The following CLEC2L variants were observed in gnomAD, a reference collection of about 807,000 sequenced individuals.
CLEC2L encodes C-type lectin domain family 2, member L.
Under a neutral mutation model 23.6 loss-of-function variants are expected in CLEC2L, and 14 were observed. The ratio of observed to expected loss-of-function variants is 0.59; its 90% confidence interval spans 0.39 to 0.93. The LOEUF is 0.93. CLEC2L is among the 40% of genes least tolerant of loss of function. The pLI, the probability that CLEC2L is intolerant of heterozygous loss-of-function variation, is 0.00. For synonymous variants in CLEC2L, 114 were observed against 121.3 expected, an observed-to-expected ratio of 0.94 and a Z score of 0.40; for missense variants, 264 against 282.4, an observed-to-expected ratio of 0.93 and a Z score of 0.47.
chr7:139,529,734 C>T (rs1379828686), intron 1 of CLEC2L, among the ~76,000 whole-genome samples: 1 of 152,204 alleles, frequency 6.6e-6, no homozygotes, highest in Non-Finnish European at 1.5e-5. Context: ...GAACTGAACA[C>T]ATGCATTTTT....
At position 139,534,459 on chromosome 7, in the gene CLEC2L, G is replaced by A. The variant is rs1209625240; in HGVS notation, c.191-1815G>A. The A allele has an allele frequency of 8.7e-6, 7 of 807,580 alleles. 1 individual carries two copies. The African/African-American group carries it at 1.2e-4, about 14-fold the overall frequency. 50.0% of individuals were successfully genotyped at this position (807,580 alleles called of 1,614,324 possible). A position where few individuals can be genotyped will look rare whatever the true frequency, so the allele number is the denominator to read the frequency against. On this transcript the variant is annotated intron_variant, in intron 1 of 4. Coordinates refer to ENST00000422142, the MANE Select transcript of CLEC2L (RefSeq NM_001080511.4). ...AGACCTCAGCTGCCTGGTTTACCGA[G>A]CTGATACCCAGACATACCAGCCTTA... is the stretch of plus-strand genomic sequence containing the variant.
At chr7:139,534,226 A>G (rs1376644929) in intron 1 of CLEC2L, 15 of 919,492 alleles carry the variant, frequency 1.6e-5, no homozygotes, top group Non-Finnish European at 2.4e-5. Context: ...CGGCTGTAGC[A>G]AAGAGTTTGG....
In CLEC2L at chr7:139,523,872, G is replaced by A; in HGVS notation, c.-56G>A. The A allele has an allele frequency of 2.1e-6, 2 of 975,412 alleles. No individual in the cohort carries two copies. Among genetic ancestry groups the A allele is most frequent in the Middle Eastern group, 5.3e-4 (1 of 1,904 alleles). 60.4% of individuals were successfully genotyped at this position (975,412 alleles called of 1,614,324 possible). ...GCGCGGAGCGCCGAGTGCGCGTCGG[G>A]CTGGGCCCCGCACCCCGGTGCAGGA... On this transcript the variant is annotated 5_prime_UTR_variant, in exon 1 of 5. Coordinates refer to ENST00000422142, the MANE Select transcript of CLEC2L (RefSeq NM_001080511.4). This position sits in a 1 kb window ranked among gnomAD's most constrained non-coding sequence, Gnocchi z 4.1.
At chr7:139,535,306 G>C (rs552378865) in intron 1 of CLEC2L, among the ~76,000 whole-genome samples, 1 of 152,236 alleles carries the variant, frequency 6.6e-6, no homozygotes, top group Non-Finnish European at 1.5e-5. Flanking sequence ...TCTTATATGA[G>C]ATTCCTAGAG....
Position 139,540,494 on chromosome 7 carries a change from G to A in CLEC2L, c.432+7G>A. On this transcript the variant is annotated splice_region_variant and intron_variant, in intron 3 of 4. Coordinates refer to ENST00000422142, the MANE Select transcript of CLEC2L (RefSeq NM_001080511.4). The surrounding 1 kb of genome is among the most constrained non-coding windows in gnomAD (Gnocchi z 5.8). ...TCAGAGCCAGAAGGAGCTGGTGAGT[G>A]TGCCAAGGTGAAGGGGGTTGGGGGA... 1 of 1,581,620 alleles carries A rather than the reference G, an allele frequency of 6.3e-7. No individual in the cohort carries two copies. Among genetic ancestry groups the A allele is most frequent in the South Asian group, 1.2e-5 (1 of 86,308 alleles).
In CLEC2L at chr7:139,540,333, G is replaced by C. The variant is rs771591436; in HGVS notation, c.278G>C (p.Cys93Ser). The C allele has an allele frequency of 1.2e-6, 2 of 1,609,788 alleles. No individual in the cohort carries two copies. The highest frequency in any genetic ancestry group is 2.2e-5 in the South Asian group (2 of 89,982). ...VVMSILASKG[C>S]IKCEAPCPED... ...CTCTTCCCTGCAGCTTCCAAGGGCT[G>C]CATCAAGTGCGAAGCGCCCTGCCCG... Residue 93 changes from cysteine to serine, a missense_variant, in exon 3 of 5, where the codon TGC (cysteine) becomes TCC (serine). Cys to Ser is a moderately radical substitution (Grantham distance 112, BLOSUM62 -1). Coordinates refer to ENST00000422142, the MANE Select transcript of CLEC2L (RefSeq NM_001080511.4). This position sits in a 1 kb window ranked among gnomAD's most constrained non-coding sequence, Gnocchi z 5.8.
chr7:139,542,331 C>G (rs929112341), intron 4 of CLEC2L, among the ~76,000 whole-genome samples: 14 of 152,220 alleles, frequency 9.2e-5, no homozygotes, highest in African/African-American at 2.7e-4. Flanking sequence ...CTTGGTGGCT[C>G]TGCCCTGCAA....
In CLEC2L at chr7:139,540,488, G is replaced by T. The variant is rs765185614; in HGVS notation, c.432+1G>T. 1.5e-4 allele frequency: 234 copies of T among 1,585,330 alleles called. No homozygotes were observed. The Middle Eastern group carries it at 1.6e-3, about 11-fold the overall frequency. On this transcript the variant is annotated splice_donor_variant, in intron 3 of 4. Transcript: ENST00000422142. LOFTEE classifies it high-confidence loss of function. The surrounding 1 kb of genome is among the most constrained non-coding windows in gnomAD (Gnocchi z 5.8). The stretch of plus-strand genomic sequence containing the variant: ...TGTGATTCAGAGCCAGAAGGAGCTG[G>T]TGAGTGTGCCAAGGTGAAGGGGGTT...
chr7:139,538,445 A>AC (rs1569427647), intron 2 of CLEC2L, among the ~76,000 whole-genome samples: 1 of 146,554 alleles, frequency 6.8e-6, no homozygotes, highest in African/African-American at 2.6e-5. Context: ...AAAAAAAAAC[A>AC]AAAAACAAAA....
At chr7:139,536,387 C>G (rs62491675) in intron 2 of CLEC2L, 39 bp downstream of exon 2, 81 of 1,511,230 alleles carry the variant, frequency 5.4e-5, no homozygotes, top group Non-Finnish European at 6.6e-5. Flanking sequence ...ATTCAGTTTG[C>G]ACATTCCTTG....
Position 139,542,065 on chromosome 7 carries a change from A to T in CLEC2L, c.477A>T (p.Leu159=), listed in dbSNP as rs1174640399. 31 of 1,613,136 alleles carry T rather than the reference A, an allele frequency of 1.9e-5. 1 individual carries two copies. The highest frequency in any genetic ancestry group is 2.7e-5 in the African/African-American group (2 of 74,902). Residue 159 remains leucine, a synonymous_variant, in exon 4 of 5, where the codon CTA becomes CTT. Transcript: ENST00000422142. The part of the protein sequence containing the change: ...KFTRREPWIG[L]RRVGDEFHWV... ...CGCGGAGGGAGCCCTGGATTGGACT[A>T]CGCAGAGTTGGGGACGAATTCCACT...
chr7:139,542,615 A>C (rs1372098794), intron 4 of CLEC2L, among the ~76,000 whole-genome samples: 1 of 152,206 alleles, frequency 6.6e-6, no homozygotes, highest in African/African-American at 2.4e-5. Flanking sequence ...TGTGGAAGAA[A>C]GGGGATCTGA....
chr7:139,523,894 A>T lies in CLEC2L; in HGVS notation c.-34A>T. ...CGGGCTGGGCCCCGCACCCCGGTGC[A>T]GGAGCGCGGGCGCGGCGCGGCGGAG... is the stretch of plus-strand genomic sequence containing the variant. On this transcript the variant is annotated 5_prime_UTR_variant, in exon 1 of 5. Transcript: ENST00000422142. The surrounding 1 kb of genome is among the most constrained non-coding windows in gnomAD (Gnocchi z 4.1). The T allele has an allele frequency of 1.0e-6, 1 of 977,526 alleles. No individual in the cohort carries two copies. The highest frequency in any genetic ancestry group is 1.2e-6 in the Non-Finnish European group (1 of 826,086). The allele number at this position is 977,526 out of a possible 1,614,324, so 60.6% of individuals were successfully genotyped here.
Position 139,523,961 on chromosome 7 carries a change from C to T in CLEC2L, c.34C>T (p.Arg12Trp). 2 of 969,698 alleles carry T rather than the reference C, an allele frequency of 2.1e-6. No homozygotes were observed. The highest frequency in any genetic ancestry group is 2.4e-6 in the Non-Finnish European group (2 of 818,528). 60.1% of individuals were successfully genotyped at this position (969,698 alleles called of 1,614,324 possible). ...GGCCCGGGAGCCCCCCTCGCGGGCC[C>T]GGCCGCCGCCGCCCCTCGCCGCGCG... ...EPAREPPSRA[R>W]PPPPLAARPA... Residue 12 changes from arginine (R) to tryptophan (W), a missense_variant, in exon 1 of 5, where the codon CGG becomes TGG. Physicochemically the swap from Arg to Trp is moderately radical, Grantham distance 101. Transcript: ENST00000422142. The surrounding 1 kb of genome is among the most constrained non-coding windows in gnomAD (Gnocchi z 4.1).
Position 139,540,289 on chromosome 7 carries a change from C to CGGGGGGGGGGGGGG in CLEC2L, c.266-29_266-28insGGGGGGGGGGGGGG. On this transcript the variant is annotated intron_variant, in intron 2 of 4. Transcript: ENST00000422142. The surrounding 1 kb of genome is among the most constrained non-coding windows in gnomAD (Gnocchi z 5.8). ...CAGAGTGGGACTCGGGCTGGGGGGG[C>CGGGGGGGGGGGGGG]GGGCAGGGCCGAGCTGGTCTCTTCC... 9.3e-7 allele frequency: 1 copy of CGGGGGGGGGGGGGG among 1,071,258 alleles called. No individual in the cohort carries two copies. The highest frequency in any genetic ancestry group is 1.3e-6 in the Non-Finnish European group (1 of 778,656). 66.4% of individuals were successfully genotyped at this position (1,071,258 alleles called of 1,614,324 possible).
At chr7:139,535,252 C>T (rs1166001871) in intron 1 of CLEC2L, among the ~76,000 whole-genome samples, 1 of 152,204 alleles carries the variant, frequency 6.6e-6, no homozygotes, top group Non-Finnish European at 1.5e-5. Context: ...GCCTTGTAAA[C>T]AATCTGTGAA....
chr7:139,541,877 C>A (rs1437995926), intron 3 of CLEC2L, 144 bp from the exon 4 acceptor site: 3 of 651,058 alleles, frequency 4.6e-6, no homozygotes, highest in South Asian at 1.8e-5. Context: ...TCCTTACTTG[C>A]GGGATTCAGC....
At chr7:139,532,417 A>T (rs1477083271) in intron 1 of CLEC2L, among the ~76,000 whole-genome samples, 1 of 152,178 alleles carries the variant, frequency 6.6e-6, no homozygotes, top group Admixed American at 6.5e-5. Flanking sequence ...AGAGGAGCCA[A>T]CATAGGAGAG....
Position 139,524,607 on chromosome 7 carries a change from C to A in CLEC2L, c.190+490C>A, listed in dbSNP as rs559662539. Among the ~76,000 whole-genome samples, 21 of 152,216 alleles carry A rather than the reference C, an allele frequency of 1.4e-4. No homozygotes were observed. The South Asian group carries it at 3.9e-3, about 29-fold the overall frequency. On this transcript the variant is annotated intron_variant, in intron 1 of 4. Coordinates refer to ENST00000422142, the MANE Select transcript of CLEC2L (RefSeq NM_001080511.4). Reference sequence around the variant, plus strand: ...GCAGGGCAGGGCAGGGGTGGAGAATCCAGGAGAGGCTCTTCCTTGCAAGGT... The same window carrying A: ...GCAGGGCAGGGCAGGGGTGGAGAATACAGGAGAGGCTCTTCCTTGCAAGGT...
Sources: allele counts gnomAD v4.1 joint callset (sites outside exome capture counted in the v4.1 genomes callset), GRCh38; gene constraint gnomAD v4.1.1; non-coding constraint Gnocchi (gnomAD v3.1); transcripts MANE v1.5; gene names NCBI Gene and HGNC (gene_info 2026-07-23, HGNC 2026-07-21).